Variants in C8orf34 observed in about 807,000 individuals in gnomAD.
C8orf34 encodes the protein chromosome 8 open reading frame 34, also known as uncharacterized protein C8orf34.
In C8orf34, 65 loss-of-function variants were observed where a neutral mutation model predicts 68.3. The ratio of observed to expected loss-of-function variants is 0.95; its 90% CI spans 0.78 to 1.17. The LOEUF is 1.17. Among genes scored for constraint, C8orf34 ranks in the 50% most tolerant of loss-of-function variants. The pLI is 0.00. For synonymous variants in C8orf34, 244 were observed against 241.2 expected (o/e 1.01, Z -0.11); for missense variants, 664 against 655.4 (o/e 1.01, Z -0.14).
chr8:68,442,337 A>G (rs1279515958), intron 2 of C8orf34, among the ~76,000 whole-genome samples: 1 of 152,196 alleles, frequency 6.6e-6, no homozygotes, highest in Non-Finnish European at 1.5e-5. Flanking sequence ...TGAATTAATT[A>G]TTATTAATTA....
intron 7 of C8orf34, among the ~76,000 whole-genome samples, chr8:68,587,065 T>A (rs1332538728): frequency 6.6e-6 from 1 of 152,062 alleles, no homozygotes; most frequent in Non-Finnish European, 1.5e-5. Flanking sequence ...CAGACTCAGG[T>A]AAATTTGATG....
At chr8:68,349,749 G>C (rs968403162) in intron 1 of C8orf34, among the ~76,000 whole-genome samples, 2 of 150,384 alleles carry the variant, frequency 1.3e-5, no homozygotes, top group African/African-American at 4.9e-5. Context: ...TTAGGTTTTC[G>C]AGTTTGTGTG....
At chr8:68,465,007 A>G (rs1294471784) in intron 3 of C8orf34, among the ~76,000 whole-genome samples, 5 of 151,058 alleles carry the variant, frequency 3.3e-5, no homozygotes, top group Admixed American at 6.6e-5. Flanking sequence ...ATCAGAGTGA[A>G]CAGGCAACCT....
At chr8:68,543,182 CA>C (rs1384546723) in intron 7 of C8orf34, among the ~76,000 whole-genome samples, 2 of 151,868 alleles carry the variant, frequency 1.3e-5, no homozygotes, top group Non-Finnish European at 2.9e-5. Context: ...TCCTAATAAG[CA>C]AAAAAGTTTA....
intron 7 of C8orf34, among the ~76,000 whole-genome samples, chr8:68,579,362 A>T (rs1023368246): frequency 1.4e-4 from 22 of 152,200 alleles, no homozygotes; most frequent in Admixed American, 3.3e-4. Context: ...GTACTTTTAG[A>T]CCTAACTTAA....
At chr8:68,646,498 G>T (rs1819176912) in intron 8 of C8orf34, among the ~76,000 whole-genome samples, 1 of 151,858 alleles carries the variant, frequency 6.6e-6, no homozygotes, top group African/African-American at 2.4e-5. Context: ...TTTAGTTATT[G>T]AAATATACAA....
intron 10 of C8orf34, among the ~76,000 whole-genome samples, chr8:68,751,098 A>G (rs1345459982): frequency 1.3e-5 from 2 of 152,184 alleles, no homozygotes; most frequent in African/African-American, 4.8e-5. Flanking sequence ...CAAAGAAGGC[A>G]GAAGGACCTG....
At chr8:68,734,186 T>C (rs1397046819) in intron 10 of C8orf34, among the ~76,000 whole-genome samples, 1 of 152,120 alleles carries the variant, frequency 6.6e-6, no homozygotes, top group East Asian at 1.9e-4. Flanking sequence ...AATCAAGAAC[T>C]AGTAGACATC....
intron 1 of C8orf34, among the ~76,000 whole-genome samples, chr8:68,373,783 T>C (rs1807668280): frequency 6.6e-6 from 1 of 152,370 alleles, no homozygotes; most frequent in East Asian, 1.9e-4. Flanking sequence ...CATCACATAC[T>C]AAGACTTGAT....
At chr8:68,806,867 G>A (rs188532017) in intron 12 of C8orf34, among the ~76,000 whole-genome samples, 123 of 152,246 alleles carry the variant, frequency 8.1e-4, no homozygotes, top group South Asian at 1.7e-3. Flanking sequence ...CAATTTGGGC[G>A]GGGCTCAACA....
chr8:68,791,282 C>T lies in C8orf34; in HGVS notation c.1549+3746C>T, dbSNP rs1340075411. ...GAGAGAGAGAGAGCAGTGAAAGCCACACATTTTTAAACCATCAGCTCTCGT... is the reference window on the plus strand; with the variant it reads ...GAGAGAGAGAGAGCAGTGAAAGCCATACATTTTTAAACCATCAGCTCTCGT... On this transcript the variant is annotated intron_variant, in intron 12 of 13. Coordinates refer to ENST00000518698, the MANE Select transcript of C8orf34 (RefSeq NM_052958.4). 2.1e-5 allele frequency: 5 copies of T among 240,180 alleles called. No homozygotes were observed. In the East Asian group the frequency reaches 4.0e-4, roughly 19 times the overall value. The allele number at this position is 240,180 out of a possible 1,614,324, so 14.9% of individuals were successfully genotyped here.
At chr8:68,457,286 G>T (rs955380887) in intron 3 of C8orf34, among the ~76,000 whole-genome samples, 1 of 152,132 alleles carries the variant, frequency 6.6e-6, no homozygotes, top group Admixed American at 6.5e-5. Flanking sequence ...GAAGACAGAA[G>T]TACAATAGCT....
chr8:68,622,884 G>A (rs1818428903), intron 7 of C8orf34, among the ~76,000 whole-genome samples: 1 of 152,204 alleles, frequency 6.6e-6, no homozygotes, highest in Admixed American at 6.5e-5. Flanking sequence ...CTCTTTCATA[G>A]TGTCATGACA....
chr8:68,604,883 T>C (rs1817808917), intron 7 of C8orf34, among the ~76,000 whole-genome samples: 1 of 152,124 alleles, frequency 6.6e-6, no homozygotes, highest in Non-Finnish European at 1.5e-5. Context: ...AAACTTCTGC[T>C]CTGCAAAAGG....
At chr8:68,663,343 A>G (rs916821418) in intron 8 of C8orf34, among the ~76,000 whole-genome samples, 2 of 152,172 alleles carry the variant, frequency 1.3e-5, no homozygotes, top group African/African-American at 4.8e-5. Context: ...ATGTTATTAA[A>G]CTTCTGTTTG....
chr8:68,517,084 GT>G (rs532255703), intron 5 of C8orf34, among the ~76,000 whole-genome samples: 21 of 152,154 alleles, frequency 1.4e-4, no homozygotes, highest in Non-Finnish European at 2.6e-4. Context: ...AATTTTAAAT[GT>G]TTTTTTACCC....
chr8:68,352,552 G>C (rs1806555116), intron 1 of C8orf34, among the ~76,000 whole-genome samples: 1 of 152,092 alleles, frequency 6.6e-6, no homozygotes, highest in Admixed American at 6.6e-5. Context: ...TGGCTGTCAA[G>C]TTGCTGGGGA....
chr8:68,536,722 G>C (rs1325542012), intron 7 of C8orf34, among the ~76,000 whole-genome samples: 1 of 151,864 alleles, frequency 6.6e-6, no homozygotes, highest in Non-Finnish European at 1.5e-5. Context: ...TTGATGATGA[G>C]GCAAGTATAT....
At chr8:68,749,454 A>G (rs1822631311) in intron 10 of C8orf34, among the ~76,000 whole-genome samples, 1 of 152,180 alleles carries the variant, frequency 6.6e-6, no homozygotes, top group Non-Finnish European at 1.5e-5. Context: ...ATAAAAGCAA[A>G]TAATAAAATA....
Sources: allele counts gnomAD v4.1 joint callset (sites outside exome capture counted in the v4.1 genomes callset), GRCh38; gene constraint gnomAD v4.1.1; transcripts MANE v1.5; gene names NCBI Gene and HGNC (gene_info 2026-07-23, HGNC 2026-07-21).